DUSP4: variants seen among roughly 807,000 people sequenced by gnomAD.
DUSP4 encodes dual specificity protein phosphatase 4.
DUSP4 carries 12 observed loss-of-function variants against 27.2 expected under a neutral mutation model. The observed-to-expected ratio is 0.44, with a 90% confidence interval of 0.28 to 0.71. The LOEUF is 0.71. Ranked by LOEUF, DUSP4 falls within the 30% of genes least tolerant of loss-of-function variation. The pLI is 0.14. For missense variants in DUSP4, 448 were observed against 551.3 expected (o/e 0.81, Z 1.88); for synonymous variants, 257 against 245.2 (o/e 1.05, Z -0.45).
Position 29,337,795 on chromosome 8 carries a change from A to G in DUSP4, c.800-384T>C, listed in dbSNP as rs1007990196. On this transcript the variant is annotated intron_variant, in intron 3 of 3. Transcript: ENST00000240100. This position sits in a 1 kb window ranked among gnomAD's most constrained non-coding sequence, Gnocchi z 6.4. Reference sequence around the variant, plus strand: ...ATATGATGAAACTGTCTCTACAAAAATACAAAAATTAGCTGGGCGTGGTGG... The same window carrying G: ...ATATGATGAAACTGTCTCTACAAAAGTACAAAAATTAGCTGGGCGTGGTGG... Among the ~76,000 whole-genome samples the G allele has an allele frequency of 1.3e-5, 2 of 152,092 alleles. No homozygotes were observed. Among genetic ancestry groups the G allele is most frequent in the Non-Finnish European group, 2.9e-5 (2 of 68,022 alleles).
intron 1 of DUSP4, chr8:29,348,412 C>T (rs998598139): frequency 5.1e-6 from 5 of 985,482 alleles, no homozygotes; most frequent in Non-Finnish European, 3.6e-6. Context: ...TCTCTTGGAG[C>T]GCTTTGGGGA....
In DUSP4 at chr8:29,335,737, T is replaced by G. The variant is rs1215250908; in HGVS notation, c.*1289A>C. 6.6e-6 allele frequency: 1 copy of G among 152,260 alleles called. No individual in the cohort carries two copies. The highest frequency in any genetic ancestry group is 1.5e-5 in the Non-Finnish European group (1 of 68,042). The allele number at this position is 152,260 out of a possible 1,614,324, so 9.4% of individuals were successfully genotyped here. A position where few individuals can be genotyped will look rare whatever the true frequency, so the allele number is the denominator to read the frequency against. The stretch of plus-strand genomic sequence containing the variant: ...TGTCTGGTTTCCCCAATGGCTGGCC[T>G]TGCCAAATGATTTGCTGTAGGAAAA... On this transcript the variant is annotated 3_prime_UTR_variant, in exon 4 of 4. Coordinates refer to ENST00000240100, the MANE Select transcript of DUSP4 (RefSeq NM_001394.7).
At chr8:29,340,802 C>A (rs115776859) in intron 1 of DUSP4, among the ~76,000 whole-genome samples, 5,663 of 152,252 alleles carry the variant, frequency 0.037, 129 homozygotes, top group Middle Eastern at 0.051. Context: ...GGAAAACGGG[C>A]TTAAATCTAA....
Position 29,337,099 on chromosome 8 carries a change from G to A in DUSP4, c.1112C>T (p.Ser371Phe). 1 of 1,610,118 alleles carries A rather than the reference G, an allele frequency of 6.2e-7. No individual in the cohort carries two copies. The highest frequency in any genetic ancestry group is 8.5e-7 in the Non-Finnish European group (1 of 1,178,322). Residue 371 changes from serine (S) to phenylalanine (F), a missense_variant, in exon 4 of 4, where the codon TCC (serine) becomes TTC (phenylalanine). Coordinates refer to ENST00000240100, the MANE Select transcript of DUSP4 (RefSeq NM_001394.7). The surrounding 1 kb of genome is among the most constrained non-coding windows in gnomAD (Gnocchi z 6.4). ...TSQFVFSFPV[S>F]VGVHSAPSSL... ...GCTGGGGGCCGAGTGCACGCCCACG[G>A]AGACCGGAAAGCTGAAGACGAACTG...
intron 1 of DUSP4, 75 bp from the exon 2 acceptor site, chr8:29,340,318 A>G (rs368980150): frequency 1.9e-5 from 29 of 1,508,492 alleles, no homozygotes; most frequent in African/African-American, 1.1e-4. Flanking sequence ...CGACTCCTAC[A>G]GACTCAGGCG....
At chr8:29,347,617 C>T (rs1413089402) in intron 1 of DUSP4, among the ~76,000 whole-genome samples, 2 of 152,238 alleles carry the variant, frequency 1.3e-5, no homozygotes, top group Admixed American at 1.3e-4. Context: ...TGGCCCAGGC[C>T]TGCACACCTC....
intron 2 of DUSP4, 99 bp from the exon 3 acceptor site, chr8:29,338,600 C>G: frequency 2.9e-6 from 4 of 1,363,790 alleles, no homozygotes; most frequent in Non-Finnish European, 4.0e-6. Flanking sequence ...CCTTTCCAAA[C>G]CCAGGGAGAA....
At chr8:29,345,519 T>C (rs2117274482) in intron 1 of DUSP4, 2 of 1,574,148 alleles carry the variant, frequency 1.3e-6, no homozygotes, top group East Asian at 2.4e-5. Flanking sequence ...GGAGTGAACT[T>C]TTCTTCCCAT....
chr8:29,348,301 C>T (rs946495814), intron 1 of DUSP4: 3 of 985,458 alleles, frequency 3.0e-6, no homozygotes, highest in Admixed American at 1.2e-4. Flanking sequence ...CCAGCGCCGA[C>T]AAGCTCAAAC....
At chr8:29,340,015 C>T (rs1445601876) in intron 2 of DUSP4, 83 bp downstream of exon 2, 38 of 1,486,576 alleles carry the variant, frequency 2.6e-5, no homozygotes, top group Non-Finnish European at 2.8e-5. Flanking sequence ...CAAAAAACAC[C>T]GTCAGAACTC....
At chr8:29,344,470 T>C (rs1188632521) in intron 1 of DUSP4, among the ~76,000 whole-genome samples, 1 of 152,264 alleles carries the variant, frequency 6.6e-6, no homozygotes, top group Non-Finnish European at 1.5e-5. Context: ...TTTAAGAATA[T>C]ATTTTCTATT....
Position 29,338,268 on chromosome 8 carries a change from C to T in DUSP4, c.799+14G>A, listed in dbSNP as rs1587044181. 1.9e-6 allele frequency: 3 copies of T among 1,613,748 alleles called. No homozygotes were observed. Among genetic ancestry groups the T allele is most frequent in the African/African-American group, 1.3e-5 (1 of 74,896 alleles). On this transcript the variant is annotated intron_variant, in intron 3 of 3. Transcript: ENST00000240100. Reference sequence around the variant, plus strand: ...GCCCTCAAACCCAGGAACCCCAGAGCAGGGCCAGCCTACCGATGTACTCTA... The same window carrying T: ...GCCCTCAAACCCAGGAACCCCAGAGTAGGGCCAGCCTACCGATGTACTCTA...
At chr8:29,348,192 CG>C in intron 1 of DUSP4, 2 of 985,632 alleles carry the variant, frequency 2.0e-6, no homozygotes, top group Non-Finnish European at 2.4e-6. Context: ...CGCTCTCCAT[CG>C]GGGGGACTCG....
At chr8:29,348,869 G>A in intron 1 of DUSP4, 1 of 894,858 alleles carries the variant, frequency 1.1e-6, no homozygotes, top group Non-Finnish European at 1.3e-6. Context: ...GGCGGCGGGA[G>A]GCGGAGGCGC....
intron 1 of DUSP4, chr8:29,345,813 C>A (rs1817725338): frequency 6.7e-6 from 8 of 1,189,556 alleles, no homozygotes; most frequent in Non-Finnish European, 8.3e-6. Flanking sequence ...TGGAGACATC[C>A]AATGTAAATG....
intron 1 of DUSP4, among the ~76,000 whole-genome samples, chr8:29,349,384 A>G (rs1177764008): frequency 6.6e-6 from 1 of 152,274 alleles, no homozygotes; most frequent in Admixed American, 6.5e-5. Flanking sequence ...GGCAAGGCCA[A>G]TTGTACCTCG....
chr8:29,345,954 G>GAAAGGCTATTTTATTTGCAAGCAA (rs1301509095), intron 1 of DUSP4: 1 of 992,658 alleles, frequency 1.0e-6, no homozygotes, highest in Admixed American at 6.1e-5. Context: ...TTTGCAAGCA[G>GAAAGGCTATTTTATTTGCAAGCAA]AAAAGCGAGT....
In DUSP4 at chr8:29,335,424, G is replaced by T. The variant is rs1369165794; in HGVS notation, c.*1602C>A. On this transcript the variant is annotated 3_prime_UTR_variant, in exon 4 of 4. Transcript: ENST00000240100. ...CCTGGCGCTTTGATTTCCAGTTTGGGAAATTCATACCAATGGAATCCGATG... is the reference window on the plus strand; with the variant it reads ...CCTGGCGCTTTGATTTCCAGTTTGGTAAATTCATACCAATGGAATCCGATG... The T allele has an allele frequency of 6.6e-6, 1 of 152,208 alleles. No individual in the cohort carries two copies. 9.4% of individuals were successfully genotyped at this position (152,208 alleles called of 1,614,324 possible). A position where few individuals can be genotyped will look rare whatever the true frequency, so the allele number is the denominator to read the frequency against.
intron 1 of DUSP4, among the ~76,000 whole-genome samples, chr8:29,349,623 C>T (rs1341494901): frequency 6.6e-6 from 1 of 152,242 alleles, no homozygotes; most frequent in Non-Finnish European, 1.5e-5. Context: ...TGCGGAATTG[C>T]AGGTGACCGG....
Sources: allele counts gnomAD v4.1 joint callset (sites outside exome capture counted in the v4.1 genomes callset), GRCh38; gene constraint gnomAD v4.1.1; non-coding constraint Gnocchi (gnomAD v3.1); transcripts MANE v1.5; gene names NCBI Gene and HGNC (gene_info 2026-07-23, HGNC 2026-07-21).